The following PNPLA7 variants were observed in gnomAD, a reference collection of about 807,000 sequenced individuals.
PNPLA7 encodes the protein patatin-like phospholipase domain-containing protein 7.
PNPLA7 carries 153 observed loss-of-function variants against 161.7 expected under a neutral mutation model. The ratio of observed to expected loss-of-function variants is 0.95; its 90% CI spans 0.83 to 1.08. The LOEUF is 1.08. Ranked by LOEUF, PNPLA7 falls within the 50% of genes least tolerant of loss-of-function variation. The pLI, the probability that PNPLA7 is intolerant of heterozygous loss-of-function variation, is 0.00. For missense variants in PNPLA7, 1,739 were observed against 1,856.6 expected, an observed-to-expected ratio of 0.94 and a Z score of 1.16; for synonymous variants, 809 against 782.1, an observed-to-expected ratio of 1.03 and a Z score of -0.57.
chr9:137,491,790 C>A, intron 20 of PNPLA7: 1 of 985,422 alleles, frequency 1.0e-6, no homozygotes. Context: ...GACGCAGGCT[C>A]CTGCTCCCAG....
chr9:137,534,512 C>T (rs1380813677), intron 8 of PNPLA7, among the ~76,000 whole-genome samples: 1 of 152,258 alleles, frequency 6.6e-6, no homozygotes, highest in Non-Finnish European at 1.5e-5. Flanking sequence ...TCCCCCTCCT[C>T]CAACCCAGTG....
chr9:137,513,232 T>C (rs1033147694), intron 12 of PNPLA7, among the ~76,000 whole-genome samples: 9 of 152,104 alleles, frequency 5.9e-5, no homozygotes, highest in African/African-American at 1.4e-4. Flanking sequence ...TGGCTCAGCC[T>C]GTAATCCCAG....
chr9:137,479,424 C>T, intron 23 of PNPLA7, 186 bp from the exon 24 acceptor site: 2 of 1,301,172 alleles, frequency 1.5e-6, no homozygotes, highest in Non-Finnish European at 2.0e-6. Flanking sequence ...AGGGGTCCAT[C>T]CGTCCACTGT....
At chr9:137,513,291 G>A (rs1834334001) in intron 12 of PNPLA7, among the ~76,000 whole-genome samples, 1 of 152,076 alleles carries the variant, frequency 6.6e-6, no homozygotes. Context: ...GGGAGTTTGA[G>A]ACCAGCCTGG....
chr9:137,483,178 G>T (rs1034360006), intron 21 of PNPLA7, among the ~76,000 whole-genome samples: 1 of 151,822 alleles, frequency 6.6e-6, no homozygotes, highest in African/African-American at 2.4e-5. Flanking sequence ...GGCTTAAAAA[G>T]TGTTTTTTAA....
chr9:137,477,684 C>T (rs1832004462), intron 25 of PNPLA7, among the ~76,000 whole-genome samples: 1 of 152,242 alleles, frequency 6.6e-6, no homozygotes, highest in East Asian at 1.9e-4. Context: ...ACCTCGTGAT[C>T]TGCCCGCCTC....
chr9:137,525,004 A>G (rs1305253202), intron 8 of PNPLA7, among the ~76,000 whole-genome samples: 1 of 152,196 alleles, frequency 6.6e-6, no homozygotes, highest in Non-Finnish European at 1.5e-5. Flanking sequence ...CTTTTTATTC[A>G]CAGTGCAATT....
rs1420354878 is a variant in PNPLA7 at position 137,523,458 on chromosome 9, C to T, written c.748-601G>A. Among the ~76,000 whole-genome samples the T allele has an allele frequency of 6.6e-6, 1 of 152,212 alleles. No homozygotes were observed. The highest frequency in any genetic ancestry group is 2.4e-5 in the African/African-American group (1 of 41,454). ...CCAAGGAAAGAGCCCAGGAAAAGCCCCAGTGAGTGACGTGGTTTCCATCTT... is the reference window on the plus strand; with the variant it reads ...CCAAGGAAAGAGCCCAGGAAAAGCCTCAGTGAGTGACGTGGTTTCCATCTT... On this transcript the variant is annotated intron_variant, in intron 8 of 34. Coordinates refer to ENST00000406427, the MANE Select transcript of PNPLA7 (RefSeq NM_001098537.3). This position sits in a 1 kb window ranked among gnomAD's most constrained non-coding sequence, Gnocchi z 4.4.
At position 137,498,122 on chromosome 9, in the gene PNPLA7, T is replaced by G. The variant is rs928804779; in HGVS notation, c.1881A>C (p.Ala627=). Residue 627 remains alanine (A), a synonymous_variant, in exon 17 of 35, where the codon GCA becomes GCC. Transcript: ENST00000406427. ...LDWVEVEAGR[A]IYRQGDKSDC... is the part of the protein sequence containing the mutation. ...GGCACCCACGGCCTCACCTGTATAT[T>G]GCTCGCCCGGCCTCCACCTCCACCC... 3.7e-6 allele frequency: 6 copies of G among 1,612,970 alleles called. No individual in the cohort carries two copies. The highest frequency in any genetic ancestry group is 5.1e-6 in the Non-Finnish European group (6 of 1,179,922).
At position 137,460,299 on chromosome 9, in the gene PNPLA7, G is replaced by A; in HGVS notation, c.*94C>T. ...CCGGGGAAGTCAGGGCTTCCAGCAGGGCAGGTACAGAGGCCCCTAGGACTT... is the reference window on the plus strand; with the variant it reads ...CCGGGGAAGTCAGGGCTTCCAGCAGAGCAGGTACAGAGGCCCCTAGGACTT... On this transcript the variant is annotated 3_prime_UTR_variant, in exon 35 of 35. Coordinates refer to ENST00000406427, the MANE Select transcript of PNPLA7 (RefSeq NM_001098537.3). The A allele has an allele frequency of 1.5e-6, 2 of 1,295,760 alleles. No individual in the cohort carries two copies. Among genetic ancestry groups the A allele is most frequent in the Non-Finnish European group, 2.1e-6 (2 of 936,228 alleles). 80.3% of individuals were successfully genotyped at this position (1,295,760 alleles called of 1,614,324 possible).
At chr9:137,477,686 G>A (rs999448135) in intron 25 of PNPLA7, among the ~76,000 whole-genome samples, 1 of 152,300 alleles carries the variant, frequency 6.6e-6, no homozygotes, top group South Asian at 2.1e-4. Context: ...CTCGTGATCT[G>A]CCCGCCTCGG....
In PNPLA7 at chr9:137,500,967, A is replaced by G. The variant is rs1588614577; in HGVS notation, c.1552-71T>C. On this transcript the variant is annotated intron_variant, in intron 15 of 34. Transcript: ENST00000406427. The surrounding 1 kb of genome is among the most constrained non-coding windows in gnomAD (Gnocchi z 5.5). ...AGGACGGGGGCAGCTCTGGGCCCAGAGCGGACGATGCCACCAGGCTCAGCC... is the reference window on the plus strand; with the variant it reads ...AGGACGGGGGCAGCTCTGGGCCCAGGGCGGACGATGCCACCAGGCTCAGCC... The G allele has an allele frequency of 7.2e-7, 1 of 1,394,658 alleles. No homozygotes were observed. Among genetic ancestry groups the G allele is most frequent in the Non-Finnish European group, 9.7e-7 (1 of 1,030,824 alleles). 86.4% of individuals were successfully genotyped at this position (1,394,658 alleles called of 1,614,324 possible).
rs531054587 is a variant in PNPLA7 at position 137,499,331 on chromosome 9, C to T, written c.1758-1086G>A. On this transcript the variant is annotated intron_variant, in intron 16 of 34. Transcript: ENST00000406427. This position sits in a 1 kb window ranked among gnomAD's most constrained non-coding sequence, Gnocchi z 5.5. ...ACACATGGAGACACACAGAGACACA[C>T]GCAGACACACGACACACGCAGACAC... 2.0e-5 allele frequency among the ~76,000 whole-genome samples: 3 copies of T among 151,912 alleles called. No homozygotes were observed. The highest frequency in any genetic ancestry group is 2.1e-4 in the South Asian group (1 of 4,804).
chr9:137,480,851 G>C, intron 22 of PNPLA7, 109 bp downstream of exon 22: 5 of 1,188,718 alleles, frequency 4.2e-6, no homozygotes, highest in Non-Finnish European at 4.8e-6. Flanking sequence ...CAGTGTGCTG[G>C]ACGAGGAGCA....
At chr9:137,478,241 C>A (rs1832035513) in intron 24 of PNPLA7, 89 bp from the exon 25 acceptor site, 4 of 1,003,884 alleles carry the variant, frequency 4.0e-6, no homozygotes, top group Non-Finnish European at 5.2e-6. Flanking sequence ...GGAGTTTCCT[C>A]CACTTCTGAC....
In PNPLA7 at chr9:137,467,658, G is replaced by A. The variant is rs1831540855; in HGVS notation, c.2883-185C>T. 6.6e-6 allele frequency among the ~76,000 whole-genome samples: 1 copy of A among 152,234 alleles called. No individual in the cohort carries two copies. The highest frequency in any genetic ancestry group is 2.4e-5 in the African/African-American group (1 of 41,452). On this transcript the variant is annotated intron_variant, in intron 25 of 34. Coordinates refer to ENST00000406427, the MANE Select transcript of PNPLA7 (RefSeq NM_001098537.3). This position sits in a 1 kb window ranked among gnomAD's most constrained non-coding sequence, Gnocchi z 5.1. ...CACGCCTGTCATCTCAGCACTTTGGGAGGCCAAGGCGGGCAGATCACTTGA... is the reference window on the plus strand; with the variant it reads ...CACGCCTGTCATCTCAGCACTTTGGAAGGCCAAGGCGGGCAGATCACTTGA...
Position 137,520,699 on chromosome 9 carries a change from G to A in PNPLA7, c.958-656C>T, listed in dbSNP as rs1834937609. 1.3e-5 allele frequency among the ~76,000 whole-genome samples: 2 copies of A among 152,226 alleles called. No homozygotes were observed. Among genetic ancestry groups the A allele is most frequent in the Admixed American group, 6.5e-5 (1 of 15,284 alleles). ...TCTCACTCAGTTCCCACGAGAGCTC[G>A]GCTAGGTGGGGACCGTCCCACGTCC... On this transcript the variant is annotated intron_variant, in intron 10 of 34. Transcript: ENST00000406427. This position sits in a 1 kb window ranked among gnomAD's most constrained non-coding sequence, Gnocchi z 5.2.
chr9:137,527,749 T>C (rs1052782434), intron 8 of PNPLA7, among the ~76,000 whole-genome samples: 10 of 152,232 alleles, frequency 6.6e-5, no homozygotes, highest in Admixed American at 5.2e-4. Context: ...TATTAGGGTA[T>C]TGCTACCCTC....
chr9:137,537,558 G>A lies in PNPLA7; in HGVS notation c.747+3084C>T, dbSNP rs112046977. ...TCTCGATCTCCTGACCTCGTGATCCGCCCACCTCGGCCTCCCAAAGTGCTG... is the reference window on the plus strand; with the variant it reads ...TCTCGATCTCCTGACCTCGTGATCCACCCACCTCGGCCTCCCAAAGTGCTG... On this transcript the variant is annotated intron_variant, in intron 8 of 34. Coordinates refer to ENST00000406427, the MANE Select transcript of PNPLA7 (RefSeq NM_001098537.3). The surrounding 1 kb of genome is among the most constrained non-coding windows in gnomAD (Gnocchi z 4.5). Among the ~76,000 whole-genome samples the A allele has an allele frequency of 0.012, 1,775 of 152,176 alleles. 39 individuals are homozygous for A. The highest frequency in any genetic ancestry group is 0.038 in the African/African-American group (1,595 of 41,496).
Sources: gnomAD v4.1 joint callset for allele counts (sites outside exome capture counted in the v4.1 genomes callset) on GRCh38, gnomAD v4.1.1 for gene constraint, Gnocchi (gnomAD v3.1) non-coding constraint, MANE v1.5 for transcripts, NCBI Gene and HGNC (gene_info 2026-07-23, HGNC 2026-07-21) for gene names.